The following LHPP variants were observed in gnomAD, a reference collection of about 807,000 sequenced individuals.
LHPP encodes phospholysine phosphohistidine inorganic pyrophosphate phosphatase, also known as hLHPP.
Under a neutral mutation model 30.3 loss-of-function variants are expected in LHPP, and 24 were observed. That is an observed-to-expected ratio of 0.79 (90% confidence interval 0.57 to 1.11). LHPP has a LOEUF of 1.11. LHPP is among the 50% of genes most tolerant of loss of function. The pLI is 0.00. For missense variants in LHPP, 356 were observed against 367.2 expected (o/e 0.97, Z 0.25); for synonymous variants, 150 against 157.1 (o/e 0.95, Z 0.34).
At chr10:124,494,534 CCTT>C (rs1022365652) in intron 3 of LHPP, among the ~76,000 whole-genome samples, 4 of 152,198 alleles carry the variant, frequency 2.6e-5, no homozygotes, top group African/African-American at 9.7e-5. Flanking sequence ...TCGATGCCCT[CCTT>C]CTCCTGGCAC....
intron 5 of LHPP, 156 bp downstream of exon 5, chr10:124,498,284 G>C: frequency 6.4e-7 from 1 of 1,562,522 alleles, no homozygotes; most frequent in African/African-American, 1.4e-5. Context: ...GGAAGGAGGG[G>C]GAAGACAGCA....
intron 3 of LHPP, among the ~76,000 whole-genome samples, chr10:124,493,013 T>G (rs1953579310): frequency 6.6e-6 from 1 of 152,042 alleles, no homozygotes; most frequent in Non-Finnish European, 1.5e-5. Context: ...CATAGTAAGA[T>G]TCCGTCTCTA....
rs1271600351 is a variant in LHPP, at chr10:124,507,880, GCAGGATTTCAGGTCGGGGGGGTAGA to G, written c.625-9286_625-9262del. Among the ~76,000 whole-genome samples, 287 of 105,516 alleles carry G rather than the reference GCAGGATTTCAGGTCGGGGGGGTAGA, an allele frequency of 2.7e-3. 2 individuals are homozygous for G. Among genetic ancestry groups the G allele is most frequent in the Non-Finnish European group, 3.3e-3 (173 of 52,010 alleles). 69.2% of individuals were successfully genotyped at this position (105,516 alleles called of 152,430 possible). ...GGGAGGATTTCAGGTGGGGGGGTAGGCAGGATTTCAGGTCGGGGGGGTAGACAGGATTTCAGGTGGGGAGGGTAGG... is the reference window on the plus strand; with the variant it reads ...GGGAGGATTTCAGGTGGGGGGGTAGGCAGGATTTCAGGTGGGGAGGGTAGG... On this transcript the variant is annotated intron_variant, in intron 5 of 6. Coordinates refer to ENST00000368842, the MANE Select transcript of LHPP (RefSeq NM_022126.4).
intron 6 of LHPP, among the ~76,000 whole-genome samples, chr10:124,573,939 C>T (rs920702568): frequency 6.6e-6 from 1 of 151,746 alleles, no homozygotes; most frequent in Non-Finnish European, 1.5e-5. Context: ...ATGTCTGAGA[C>T]CTGGGAATCA....
At chr10:124,552,684 G>C (rs1218553735) in intron 6 of LHPP, among the ~76,000 whole-genome samples, 1 of 152,140 alleles carries the variant, frequency 6.6e-6, no homozygotes, top group Non-Finnish European at 1.5e-5. Flanking sequence ...TGGACGCGTG[G>C]CTGCCAGAGA....
At chr10:124,607,424 A>C (rs1949109789) in intron 6 of LHPP, among the ~76,000 whole-genome samples, 1 of 152,288 alleles carries the variant, frequency 6.6e-6, no homozygotes, top group Non-Finnish European at 1.5e-5. Flanking sequence ...GCGTGTGGGC[A>C]AACACCGGCC....
chr10:124,598,702 C>T (rs1198713937), intron 6 of LHPP, among the ~76,000 whole-genome samples: 3 of 151,856 alleles, frequency 2.0e-5, no homozygotes, highest in Non-Finnish European at 2.9e-5. Flanking sequence ...CTGCCATCCA[C>T]GTGTCCATCT....
intron 6 of LHPP, among the ~76,000 whole-genome samples, chr10:124,569,524 C>T (rs986091129): frequency 6.6e-5 from 10 of 151,962 alleles, no homozygotes; most frequent in Non-Finnish European, 1.2e-4. Flanking sequence ...AAAAGGCAAA[C>T]GGGAACGTGG....
chr10:124,517,256 G>C lies in LHPP; in HGVS notation c.701G>C (p.Arg234Pro), dbSNP rs1361592111. The C allele has an allele frequency of 6.3e-7, 1 of 1,596,496 alleles. No individual in the cohort carries two copies. The highest frequency in any genetic ancestry group is 1.3e-5 in the African/African-American group (1 of 74,376). The stretch of plus-strand genomic sequence containing the variant: ...TGTGGAATGAGAGCGCTGCAGGTGC[G>C]CACCGGGAAGTTCAGGTCAGTGCCA... ...QRCGMRALQV[R>P]TGKFRPSDEH... Residue 234 changes from arginine to proline, a missense_variant, in exon 6 of 7, where the codon CGC (arginine) becomes CCC (proline). Physicochemically the swap from Arg to Pro is moderately radical, Grantham distance 103. Coordinates refer to ENST00000368842, the MANE Select transcript of LHPP (RefSeq NM_022126.4). The surrounding 1 kb of genome is among the most constrained non-coding windows in gnomAD (Gnocchi z 4.1).
intron 4 of LHPP, 47 bp from the exon 5 acceptor site, chr10:124,497,989 T>C (rs929858148): frequency 2.0e-6 from 3 of 1,472,636 alleles, no homozygotes; most frequent in Admixed American, 3.3e-5. Context: ...GGCATACACC[T>C]GTTCCTTGAT....
chr10:124,501,418 A>G lies in LHPP; in HGVS notation c.624+3290A>G, dbSNP rs565844194. ...GGAGTTCGAGATCAGCCTGGCCAAC[A>G]TGGTGAAACCCCGTCTCCACTAAAA... is the stretch of plus-strand genomic sequence containing the variant. On this transcript the variant is annotated intron_variant, in intron 5 of 6. Transcript: ENST00000368842. Among the ~76,000 whole-genome samples, 7 of 151,782 alleles carry G rather than the reference A, an allele frequency of 4.6e-5. No homozygotes were observed. In the South Asian group the frequency reaches 6.2e-4, roughly 14 times the overall value.
At chr10:124,604,495 C>T (rs554639335) in intron 6 of LHPP, among the ~76,000 whole-genome samples, 3 of 152,288 alleles carry the variant, frequency 2.0e-5, no homozygotes, top group Admixed American at 6.5e-5. Context: ...AGAGAAGCTG[C>T]GGGTGTGCAG....
chr10:124,558,369 C>T (rs1481768496), intron 6 of LHPP, among the ~76,000 whole-genome samples: 1 of 152,226 alleles, frequency 6.6e-6, no homozygotes. Flanking sequence ...TTACGAGAAT[C>T]CCACTTTCCA....
At chr10:124,565,771 C>A (rs1283299510) in intron 6 of LHPP, among the ~76,000 whole-genome samples, 1 of 152,208 alleles carries the variant, frequency 6.6e-6, no homozygotes, top group East Asian at 1.9e-4. Context: ...ACCGCTTTGG[C>A]CTTTCTCAAG....
chr10:124,574,698 G>A (rs1411529958), intron 6 of LHPP, among the ~76,000 whole-genome samples: 2 of 152,214 alleles, frequency 1.3e-5, no homozygotes, highest in African/African-American at 4.8e-5. Context: ...GGCCAGAGGG[G>A]GGATTTGTAG....
chr10:124,522,407 G>T (rs1027246526), intron 6 of LHPP, among the ~76,000 whole-genome samples: 1 of 152,154 alleles, frequency 6.6e-6, no homozygotes. Flanking sequence ...CTCCGTGGGG[G>T]GTCCTGTGCC....
chr10:124,560,519 C>G (rs1171920080), intron 6 of LHPP, among the ~76,000 whole-genome samples: 1 of 152,242 alleles, frequency 6.6e-6, no homozygotes, highest in African/African-American at 2.4e-5. Context: ...ATACCCTCCT[C>G]GTTGGCCTGC....
At chr10:124,544,976 G>A (rs1286179705) in intron 6 of LHPP, among the ~76,000 whole-genome samples, 1 of 152,198 alleles carries the variant, frequency 6.6e-6, no homozygotes, top group East Asian at 1.9e-4. Context: ...GAGGACGGTG[G>A]CTCCCAGTGG....
intron 4 of LHPP, 89 bp from the exon 5 acceptor site, chr10:124,497,947 G>A: frequency 4.8e-6 from 5 of 1,036,054 alleles, no homozygotes; most frequent in Non-Finnish European, 6.1e-6. Context: ...TTGACTCTTG[G>A]GGGCACATTT....
Sources: allele counts gnomAD v4.1 joint callset (sites outside exome capture counted in the v4.1 genomes callset), GRCh38; gene constraint gnomAD v4.1.1; non-coding constraint Gnocchi (gnomAD v3.1); transcripts MANE v1.5; gene names NCBI Gene and HGNC (gene_info 2026-07-23, HGNC 2026-07-21).